Variants in CHD1L observed in about 807,000 individuals in gnomAD.
The protein encoded by CHD1L is ATP-dependent chromatin remodeler CHD1L.
CHD1L carries 118 observed loss-of-function variants against 115.9 expected under a neutral mutation model. The ratio of observed to expected loss-of-function variants is 1.02; its 90% CI spans 0.88 to 1.19. CHD1L has a LOEUF of 1.19. Among genes scored for constraint, CHD1L ranks in the 50% most tolerant of loss-of-function variants. CHD1L has a pLI of 0.00. For missense variants in CHD1L, 1,179 were observed against 1,065.3 expected (o/e 1.11, Z -1.49); for synonymous variants, 411 against 387.1 (o/e 1.06, Z -0.72).
intron 5 of CHD1L, among the ~76,000 whole-genome samples, chr1:147,257,020 GA>G (rs1670380453): frequency 6.6e-6 from 1 of 152,176 alleles, no homozygotes; most frequent in South Asian, 2.1e-4. Context: ...TAACTTTTTA[GA>G]AAGGGAGTTT....
chr1:147,183,155 G>A, the CHD1L span, among the ~76,000 whole-genome samples: 100 of 152,208 alleles, frequency 6.6e-4, 1 homozygote, highest in African/African-American at 2.2e-3. Context: ...CCGAGATGGC[G>A]TCACTGCACT....
In CHD1L at chr1:147,286,510, G is replaced by A. The variant is rs1315558951; in HGVS notation, c.2221+10G>A. On this transcript the variant is annotated intron_variant, in intron 18 of 22. Transcript: ENST00000369258. The stretch of plus-strand genomic sequence containing the variant: ...ATTGTGCACTGCGTAGGTACGAGAA[G>A]TGGTATGGGCTGGGGATGGGGGCCT... 26 of 1,612,608 alleles carry A rather than the reference G, an allele frequency of 1.6e-5. No homozygotes were observed. Among genetic ancestry groups the A allele is most frequent in the Non-Finnish European group, 2.0e-5 (24 of 1,179,800 alleles).
At chr1:147,193,039 A>C in the CHD1L span, among the ~76,000 whole-genome samples, 9 of 152,120 alleles carry the variant, frequency 5.9e-5, no homozygotes, top group Non-Finnish European at 8.8e-5. Context: ...GAGTTAGGGA[A>C]GATTCCTTCT....
At chr1:147,279,972 CTAA>C (rs1169152304) in intron 14 of CHD1L, 51 bp from the exon 15 acceptor site, 4 of 1,590,270 alleles carry the variant, frequency 2.5e-6, no homozygotes, top group Non-Finnish European at 2.6e-6. Context: ...CACTGATATC[CTAA>C]TGTTTCTTTT....
intron 15 of CHD1L, among the ~76,000 whole-genome samples, chr1:147,282,869 T>C (rs966013839): frequency 6.6e-6 from 1 of 152,206 alleles, no homozygotes; most frequent in Non-Finnish European, 1.5e-5. Context: ...AAATCCCCAG[T>C]TGTATTACAC....
the CHD1L span, among the ~76,000 whole-genome samples, chr1:147,183,024 C>T: frequency 6.6e-6 from 1 of 152,104 alleles, no homozygotes; most frequent in Non-Finnish European, 1.5e-5. Context: ...ACGATAAAAC[C>T]CCGTCTCTAC....
intron 12 of CHD1L, among the ~76,000 whole-genome samples, chr1:147,273,781 A>G (rs998591301): frequency 6.6e-6 from 1 of 152,222 alleles, no homozygotes; most frequent in African/African-American, 2.4e-5. Context: ...AGTCCTGGAC[A>G]TTAGTCTTCT....
chr1:147,231,649 T>C, the CHD1L span, among the ~76,000 whole-genome samples: 7 of 152,098 alleles, frequency 4.6e-5, no homozygotes, highest in South Asian at 1.2e-3. Context: ...CTAAGTCTCT[T>C]TGTAGGTCTC....
chr1:147,290,655 GTT>G (rs1278082178), intron 19 of CHD1L, among the ~76,000 whole-genome samples: 5 of 151,106 alleles, frequency 3.3e-5, no homozygotes, highest in African/African-American at 1.2e-4. Context: ...ATTTGTCAGA[GTT>G]TTGTTTTATT....
chr1:147,208,862 G>C, the CHD1L span: 1 of 1,613,854 alleles, frequency 6.2e-7, no homozygotes, highest in Non-Finnish European at 8.5e-7. Flanking sequence ...CTGTGTTTAG[G>C]CTTCAGGCCA....
At chr1:147,238,516 C>G (rs1664660773), upstream of CHD1L, among the ~76,000 whole-genome samples, 2 of 152,174 alleles carry the variant, frequency 1.3e-5, no homozygotes, top group African/African-American at 2.4e-5. Flanking sequence ...AAGGACATAT[C>G]CTTTCTGTGG....
the CHD1L span, among the ~76,000 whole-genome samples, chr1:147,221,676 C>T: frequency 2.8e-4 from 43 of 152,292 alleles, 3 homozygotes; most frequent in African/African-American, 1.0e-3. Context: ...AAAAGTTCAA[C>T]GTTTACAAAG....
the CHD1L span, among the ~76,000 whole-genome samples, chr1:147,227,877 T>A: frequency 2.6e-5 from 4 of 152,198 alleles, no homozygotes; most frequent in African/African-American, 9.6e-5. Context: ...TACGTTTGCA[T>A]TTTGCCCATA....
At chr1:147,184,284 A>G in the CHD1L span, 1 of 376,914 alleles carries the variant, frequency 2.7e-6, no homozygotes, top group African/African-American at 2.1e-5. The surrounding 1 kb of genome is among the most constrained non-coding windows in gnomAD (Gnocchi z 4.4). Flanking sequence ...AAAGTTGCAA[A>G]AATAGTACAG....
the CHD1L span, chr1:147,225,004 A>G: frequency 2.5e-6 from 4 of 1,611,068 alleles, no homozygotes; most frequent in African/African-American, 2.7e-5. Flanking sequence ...TCCTCCCCCA[A>G]TCACAGCAAT....
the CHD1L span, chr1:147,208,706 TG>T: frequency 1.6e-6 from 1 of 624,698 alleles, no homozygotes; most frequent in South Asian, 1.9e-5. Flanking sequence ...CCCAGAGTGC[TG>T]GGATTACAGG....
upstream of CHD1L, among the ~76,000 whole-genome samples, chr1:147,239,834 A>T (rs1664714057): frequency 6.6e-6 from 1 of 152,212 alleles, no homozygotes; most frequent in African/African-American, 2.4e-5. Flanking sequence ...TTAAGTGGCA[A>T]GTGCTTGATA....
chr1:147,290,703 G>A (rs1409735147), intron 19 of CHD1L, among the ~76,000 whole-genome samples: 2 of 152,074 alleles, frequency 1.3e-5, no homozygotes, highest in African/African-American at 4.8e-5. Flanking sequence ...ACCCAGGCTG[G>A]AGTGCACTGG....
chr1:147,293,358 C>T (rs1463933817), intron 20 of CHD1L, among the ~76,000 whole-genome samples: 1 of 151,882 alleles, frequency 6.6e-6, no homozygotes, highest in Non-Finnish European at 1.5e-5. Flanking sequence ...ATGTTTTGGA[C>T]TCATTCTCTG....
Sources: gnomAD v4.1 joint callset for allele counts (sites outside exome capture counted in the v4.1 genomes callset) on GRCh38, gnomAD v4.1.1 for gene constraint, Gnocchi (gnomAD v3.1) non-coding constraint, MANE v1.5 for transcripts, NCBI Gene and HGNC (gene_info 2026-07-23, HGNC 2026-07-21) for gene names.